GABRA1: variants seen among roughly 807,000 people sequenced by gnomAD.
The protein encoded by GABRA1 is gamma-aminobutyric acid type A receptor subunit alpha1, also known as gamma-aminobutyric acid receptor subunit alpha-1.
In GABRA1, 9 loss-of-function variants were observed where a neutral mutation model predicts 48.9. The observed-to-expected ratio is 0.18, with a 90% CI of 0.11 to 0.32. GABRA1 has a LOEUF of 0.32. Ranked by LOEUF, GABRA1 falls within the 10% of genes least tolerant of loss-of-function variation. The pLI, the probability that GABRA1 is intolerant of heterozygous loss-of-function variation, is 1.00. For synonymous variants in GABRA1, 210 were observed against 198.7 expected, an observed-to-expected ratio of 1.06 and a Z score of -0.48; for missense variants, 285 against 553.8, an observed-to-expected ratio of 0.51 and a Z score of 4.87.
chr5:161,883,873 GT>G (rs1241012626), intron 7 of GABRA1, among the ~76,000 whole-genome samples: 1 of 151,714 alleles, frequency 6.6e-6, no homozygotes, highest in Non-Finnish European at 1.5e-5. Context: ...AAATGTTTAT[GT>G]GTTTTATTTT....
At chr5:161,892,604 C>T (rs1452256775) in intron 8 of GABRA1, among the ~76,000 whole-genome samples, 5 of 152,158 alleles carry the variant, frequency 3.3e-5, no homozygotes, top group African/African-American at 9.7e-5. Flanking sequence ...AATGAACTCA[C>T]TAAAGACGAA....
chr5:161,857,385 C>T (rs562564578), intron 3 of GABRA1, among the ~76,000 whole-genome samples: 1 of 151,656 alleles, frequency 6.6e-6, no homozygotes, highest in East Asian at 1.9e-4. Flanking sequence ...GAAACACACA[C>T]TGCATCAGAA....
chr5:161,860,909 C>A (rs1185285883), intron 3 of GABRA1, among the ~76,000 whole-genome samples: 1 of 151,814 alleles, frequency 6.6e-6, no homozygotes, highest in Non-Finnish European at 1.5e-5. Context: ...GTTTCAATTT[C>A]CTGTGTTGAT....
intron 3 of GABRA1, among the ~76,000 whole-genome samples, chr5:161,855,574 T>A (rs558220126): frequency 6.6e-6 from 1 of 151,486 alleles, no homozygotes; most frequent in Non-Finnish European, 1.5e-5. Context: ...GGTCACAAAA[T>A]GGGGAGCCTA....
intron 4 of GABRA1, among the ~76,000 whole-genome samples, chr5:161,869,087 C>T (rs1373447373): frequency 1.3e-5 from 2 of 152,088 alleles, no homozygotes; most frequent in South Asian, 2.1e-4. Context: ...ATTTAAATTA[C>T]ATTATAGGAG....
At chr5:161,875,221 C>T (rs985560714) in intron 5 of GABRA1, among the ~76,000 whole-genome samples, 9 of 152,120 alleles carry the variant, frequency 5.9e-5, no homozygotes, top group African/African-American at 9.7e-5. Context: ...GTAGTATTTA[C>T]GCAAGTGTTT....
In GABRA1 at chr5:161,848,132, C is replaced by G. The variant is rs1027905643; in HGVS notation, c.-306C>G. The G allele has an allele frequency of 6.6e-6, 1 of 152,112 alleles. No homozygotes were observed. 9.4% of individuals were successfully genotyped at this position (152,112 alleles called of 1,614,324 possible). A position where few individuals can be genotyped will look rare whatever the true frequency, so the allele number is the denominator to read the frequency against. On this transcript the variant is annotated 5_prime_UTR_variant, in exon 1 of 10. Transcript: ENST00000393943. ...ATGAAGTCACCGCCTATTTCACATC[C>G]GGTTTGCCCTGGGACGTATTACTAC...
intron 4 of GABRA1, 133 bp downstream of exon 4, chr5:161,865,921 A>G (rs1753816609): frequency 1.5e-6 from 1 of 649,922 alleles, no homozygotes. Flanking sequence ...TCTGTGTGTA[A>G]TATGTAATAT....
intron 1 of GABRA1, chr5:161,848,671 T>C (rs1033147110): frequency 3.9e-6 from 1 of 257,580 alleles, no homozygotes; most frequent in Admixed American, 5.2e-5. Context: ...AAGAGCATTA[T>C]TATTATTTTT....
At chr5:161,856,566 T>C (rs149603805) in intron 3 of GABRA1, among the ~76,000 whole-genome samples, 88 of 151,474 alleles carry the variant, frequency 5.8e-4, no homozygotes, top group African/African-American at 2.0e-3. Context: ...AAAAAGTAGC[T>C]CAAATATTTT....
rs1426749191 is a variant in GABRA1 at position 161,897,853 on chromosome 5, A to C, written c.*431A>C. 3 of 156,812 alleles carry C rather than the reference A, an allele frequency of 1.9e-5. No homozygotes were observed. Among genetic ancestry groups the C allele is most frequent in the African/African-American group, 4.8e-5 (2 of 41,488 alleles). The allele number at this position is 156,812 out of a possible 1,614,324, so 9.7% of individuals were successfully genotyped here. A position where few individuals can be genotyped will look rare whatever the true frequency, so the allele number is the denominator to read the frequency against. ...TCAAAGGGTAAATTATAAATGTTTC[A>C]TGAAGAAAAAATTTTAAAAATCTAC... On this transcript the variant is annotated 3_prime_UTR_variant, in exon 10 of 10. Coordinates refer to ENST00000393943, the MANE Select transcript of GABRA1 (RefSeq NM_001127644.2).
At chr5:161,867,692 A>G (rs891347723) in intron 4 of GABRA1, among the ~76,000 whole-genome samples, 1 of 152,090 alleles carries the variant, frequency 6.6e-6, no homozygotes, top group African/African-American at 2.4e-5. Flanking sequence ...GACCTCATGG[A>G]AATTTCTTCT....
intron 5 of GABRA1, 33 bp from the exon 6 acceptor site, chr5:161,875,527 T>C: frequency 6.5e-7 from 1 of 1,527,922 alleles, no homozygotes; most frequent in South Asian, 1.1e-5. Flanking sequence ...CTAATCTATA[T>C]GGCTCTTGTT....
At chr5:161,849,479 G>C (rs1456799269) in intron 1 of GABRA1, among the ~76,000 whole-genome samples, 5 of 152,136 alleles carry the variant, frequency 3.3e-5, no homozygotes, top group African/African-American at 1.2e-4. Context: ...GAAAAGCTAT[G>C]ACGAGGCTCA....
At chr5:161,883,976 T>C (rs540559188) in intron 7 of GABRA1, among the ~76,000 whole-genome samples, 182 of 152,230 alleles carry the variant, frequency 1.2e-3, no homozygotes, top group African/African-American at 4.2e-3. Context: ...GTGAGGGAGA[T>C]GTGAACTCAA....
chr5:161,873,030 T>C (rs1462932574), intron 4 of GABRA1, 87 bp from the exon 5 acceptor site: 17 of 998,210 alleles, frequency 1.7e-5, no homozygotes, highest in Non-Finnish European at 1.6e-6. Flanking sequence ...CTTCCAAAGT[T>C]GCAAAAATTA....
At chr5:161,879,452 T>G (rs1754514248) in intron 6 of GABRA1, among the ~76,000 whole-genome samples, 1 of 152,220 alleles carries the variant, frequency 6.6e-6, no homozygotes, top group Admixed American at 6.5e-5. Flanking sequence ...GGGGGCATTA[T>G]AATTTATTTG....
intron 7 of GABRA1, among the ~76,000 whole-genome samples, chr5:161,890,430 C>T (rs1755036858): frequency 6.6e-6 from 1 of 152,044 alleles, no homozygotes; most frequent in Non-Finnish European, 1.5e-5. Context: ...ATATTTAATG[C>T]AGTTTTGGAG....
At chr5:161,854,930 A>G (rs1458409996) in intron 3 of GABRA1, among the ~76,000 whole-genome samples, 1 of 151,638 alleles carries the variant, frequency 6.6e-6, no homozygotes, top group Non-Finnish European at 1.5e-5. Flanking sequence ...GGAATTGCAC[A>G]CATTTGAATA....
Sources: gnomAD v4.1 joint callset for allele counts (sites outside exome capture counted in the v4.1 genomes callset) on GRCh38, gnomAD v4.1.1 for gene constraint, MANE v1.5 for transcripts, NCBI Gene and HGNC (gene_info 2026-07-23, HGNC 2026-07-21) for gene names.